The following YES1 variants were observed in gnomAD, a reference collection of about 807,000 sequenced individuals.
The protein encoded by YES1 is tyrosine-protein kinase Yes.
A neutral mutation model predicts 70.4 loss-of-function variants in YES1; 39 were observed. The ratio of observed to expected loss-of-function variants is 0.55; its 90% confidence interval spans 0.43 to 0.72. The LOEUF is 0.72. Ranked by LOEUF, YES1 falls within the 30% of genes least tolerant of loss-of-function variation. The pLI is 0.00. For synonymous variants in YES1, 198 were observed against 218.6 expected (o/e 0.91, Z 0.83); for missense variants, 495 against 644.8 (o/e 0.77, Z 2.52).
At chr18:734,801 T>C (rs998602929) in intron 10 of YES1, among the ~76,000 whole-genome samples, 3 of 152,072 alleles carry the variant, frequency 2.0e-5, no homozygotes, top group Admixed American at 6.6e-5. Flanking sequence ...GGAAACTCCT[T>C]AAAGAACGAA....
At chr18:795,912 AACACACACACACACACAC>A in intron 1 of YES1, among the ~76,000 whole-genome samples, 2 of 144,696 alleles carry the variant, frequency 1.4e-5, no homozygotes, top group East Asian at 4.0e-4. Context: ...CCAGAACTTA[AACACACACACACACACAC>A]ACACACACAC....
intron 6 of YES1, among the ~76,000 whole-genome samples, chr18:744,175 C>T (rs1036159685): frequency 5.9e-5 from 9 of 151,688 alleles, no homozygotes; most frequent in South Asian, 2.1e-4. Context: ...TGAAAACATA[C>T]GCAACTTTCC....
intron 1 of YES1, among the ~76,000 whole-genome samples, chr18:759,666 T>C (rs889355985): frequency 1.3e-5 from 2 of 151,904 alleles, no homozygotes; most frequent in Non-Finnish European, 2.9e-5. Flanking sequence ...ATTTACACTG[T>C]ATTAGGTATT....
At chr18:789,532 G>A (rs1460900709) in intron 1 of YES1, among the ~76,000 whole-genome samples, 1 of 152,078 alleles carries the variant, frequency 6.6e-6, no homozygotes, top group Admixed American at 6.6e-5. Context: ...GCAATGAATG[G>A]TGACTATGCC....
At chr18:806,056 T>C (rs548820655) in intron 1 of YES1, among the ~76,000 whole-genome samples, 1 of 152,294 alleles carries the variant, frequency 6.6e-6, no homozygotes, top group African/African-American at 2.4e-5. Flanking sequence ...AAAGTACACC[T>C]ATGAATTATG....
intron 10 of YES1, among the ~76,000 whole-genome samples, chr18:734,839 A>T (rs9957428): frequency 0.57 from 87,232 of 151,978 alleles, 25,433 homozygotes; most frequent in East Asian, 0.7. Flanking sequence ...AATCCAGCAA[A>T]CCCACTACTG....
intron 4 of YES1, among the ~76,000 whole-genome samples, chr18:747,364 G>T (rs959933025): frequency 6.6e-6 from 1 of 152,164 alleles, no homozygotes; most frequent in Admixed American, 6.5e-5. Context: ...AGCTACTTGG[G>T]AGGCTGAGGC....
rs1014966705 is a variant in YES1, at chr18:764,209, A to T, written c.-8-7374T>A. 4.6e-5 allele frequency among the ~76,000 whole-genome samples: 7 copies of T among 151,588 alleles called. No individual in the cohort carries two copies. In the East Asian group the frequency reaches 1.4e-3, roughly 29 times the overall value. On this transcript the variant is annotated intron_variant, in intron 1 of 11. Transcript: ENST00000314574. ...CTATACGTGTATTAAGGGTTGGCTG[A>T]CTCCAAAGTTTCCAGTTTTTTATTT...
intron 1 of YES1, among the ~76,000 whole-genome samples, chr18:793,115 C>A (rs1254158861): frequency 1.3e-5 from 2 of 151,092 alleles, no homozygotes; most frequent in African/African-American, 4.9e-5. Flanking sequence ...TCTGGGCTCA[C>A]TGCAACCTCC....
chr18:776,576 T>C (rs139783035), intron 1 of YES1, among the ~76,000 whole-genome samples: 3 of 152,310 alleles, frequency 2.0e-5, no homozygotes, highest in East Asian at 3.9e-4. Context: ...TTCTGTGTAT[T>C]GGAGGAGTAG....
intron 6 of YES1, among the ~76,000 whole-genome samples, chr18:744,072 A>AT (rs569746386): frequency 6.7e-6 from 1 of 150,164 alleles, no homozygotes; most frequent in Non-Finnish European, 1.5e-5. Flanking sequence ...TAAAATATAT[A>AT]TTTTTTTAAG....
At chr18:749,264 T>G (rs1306248562) in intron 3 of YES1, among the ~76,000 whole-genome samples, 2 of 139,706 alleles carry the variant, frequency 1.4e-5, no homozygotes, top group Non-Finnish European at 3.1e-5. Context: ...GAGGCCGGGG[T>G]GGGCAGATTA....
chr18:780,021 G>C (rs1905578720), intron 1 of YES1, among the ~76,000 whole-genome samples: 1 of 151,846 alleles, frequency 6.6e-6, no homozygotes, highest in African/African-American at 2.4e-5. Flanking sequence ...ATTACCTGAG[G>C]TCAGGAGTTC....
chr18:783,245 C>A (rs1398878359), intron 1 of YES1, among the ~76,000 whole-genome samples: 3 of 152,104 alleles, frequency 2.0e-5, no homozygotes, highest in Non-Finnish European at 4.4e-5. Flanking sequence ...AAACATTATA[C>A]TGCATATTTT....
chr18:764,550 G>C (rs1482175252), intron 1 of YES1, among the ~76,000 whole-genome samples: 1 of 151,992 alleles, frequency 6.6e-6, no homozygotes, highest in Non-Finnish European at 1.5e-5. Context: ...CAAGTGGAGA[G>C]TAACACCATA....
At chr18:755,830 CTT>C (rs2080399709) in intron 2 of YES1, among the ~76,000 whole-genome samples, 1 of 152,300 alleles carries the variant, frequency 6.6e-6, no homozygotes. Context: ...GCCAGCTATA[CTT>C]TGTTACTTCA....
rs201651859 is a variant in YES1, at chr18:743,068, T to C, written c.910A>G (p.Ile304Val). 105 of 1,601,588 alleles carry C rather than the reference T, an allele frequency of 6.6e-5. No homozygotes were observed. Among genetic ancestry groups the C allele is most frequent in the Non-Finnish European group, 8.6e-5 (101 of 1,177,066 alleles). ...GTWNGTTKVAIKTLKPGTMMP... is the reference protein window; with the variant it reads ...GTWNGTTKVAVKTLKPGTMMP... Reference sequence around the variant, plus strand: ...ATTGTACCTGGTTTTAGTGTTTTGATTGCTACTTTCGTGGTTCCATTCCAT... The same window carrying C: ...ATTGTACCTGGTTTTAGTGTTTTGACTGCTACTTTCGTGGTTCCATTCCAT... The change falls in exon 8 of 12, where the codon ATC (isoleucine) becomes GTC (valine). Residue 304 changes from isoleucine to valine, a missense_variant. Physicochemically the swap from Ile to Val is conservative, Grantham distance 29. Transcript: ENST00000314574.
intron 1 of YES1, among the ~76,000 whole-genome samples, chr18:758,766 C>A (rs1340284958): frequency 6.6e-6 from 1 of 152,104 alleles, no homozygotes; most frequent in African/African-American, 2.4e-5. Flanking sequence ...CCAACCTACC[C>A]CCAAATTAAT....
At chr18:758,387 C>T (rs148110254) in intron 1 of YES1, among the ~76,000 whole-genome samples, 82 of 152,244 alleles carry the variant, frequency 5.4e-4, no homozygotes, top group Non-Finnish European at 1.0e-3. Context: ...ACCCCTAACG[C>T]TCACCAAATT....
Sources: allele counts gnomAD v4.1 joint callset (sites outside exome capture counted in the v4.1 genomes callset), GRCh38; gene constraint gnomAD v4.1.1; transcripts MANE v1.5; gene names NCBI Gene and HGNC (gene_info 2026-07-23, HGNC 2026-07-21).